The following UBTD1 variants were observed in gnomAD, a reference collection of about 807,000 sequenced individuals.
UBTD1 encodes ubiquitin domain containing 1, also known as ubiquitin domain-containing protein 1.
UBTD1 carries 19 observed loss-of-function variants against 21.7 expected under a neutral mutation model. That is an observed-to-expected ratio of 0.87 (90% CI 0.61 to 1.28). The LOEUF is 1.28. UBTD1 is among the 50% of genes most tolerant of loss of function. The pLI is 0.00. For synonymous variants in UBTD1, 116 were observed against 135.1 expected, an observed-to-expected ratio of 0.86 and a Z score of 0.98; for missense variants, 282 against 315.1, an observed-to-expected ratio of 0.89 and a Z score of 0.80.
At chr10:97,560,741 T>A (rs1345351089) in intron 1 of UBTD1, among the ~76,000 whole-genome samples, 1 of 152,160 alleles carries the variant, frequency 6.6e-6, no homozygotes, top group African/African-American at 2.4e-5. Flanking sequence ...CTTGAAATTT[T>A]TTTTTTAACA....
At chr10:97,520,622 C>T (rs931888860) in intron 1 of UBTD1, among the ~76,000 whole-genome samples, 5 of 152,132 alleles carry the variant, frequency 3.3e-5, no homozygotes, top group East Asian at 1.9e-4. Context: ...GAGACACCTA[C>T]GCTGACACCT....
intron 1 of UBTD1, among the ~76,000 whole-genome samples, chr10:97,520,442 T>TA (rs2040462192): frequency 6.6e-6 from 1 of 152,146 alleles, no homozygotes; most frequent in South Asian, 2.1e-4. Context: ...GCAAAATAGA[T>TA]ACGGTCCTTC....
intron 2 of UBTD1, among the ~76,000 whole-genome samples, chr10:97,568,831 C>T (rs1057040087): frequency 6.6e-6 from 1 of 151,252 alleles, no homozygotes; most frequent in African/African-American, 2.4e-5. Context: ...ACTTGAGTTT[C>T]TTTTTTTTTG....
At chr10:97,503,377 A>G (rs1307675134) in intron 1 of UBTD1, among the ~76,000 whole-genome samples, 1 of 152,168 alleles carries the variant, frequency 6.6e-6, no homozygotes, top group Non-Finnish European at 1.5e-5. Flanking sequence ...TAGGTAGATA[A>G]ATATCTCTGC....
At chr10:97,538,713 T>C (rs1488395243) in intron 1 of UBTD1, among the ~76,000 whole-genome samples, 1 of 152,228 alleles carries the variant, frequency 6.6e-6, no homozygotes, top group Non-Finnish European at 1.5e-5. Flanking sequence ...GAGAGTCTCT[T>C]CCTTCTGGAT....
At chr10:97,519,006 A>C (rs1031058727) in intron 1 of UBTD1, among the ~76,000 whole-genome samples, 3 of 152,356 alleles carry the variant, frequency 2.0e-5, no homozygotes, top group Non-Finnish European at 2.9e-5. Flanking sequence ...ATCAATGAGT[A>C]AGTAGCAGAA....
intron 1 of UBTD1, among the ~76,000 whole-genome samples, chr10:97,547,977 G>T (rs1438471637): frequency 6.6e-6 from 1 of 152,052 alleles, no homozygotes; most frequent in Non-Finnish European, 1.5e-5. Context: ...AATGACAATA[G>T]CTACTGTCTT....
At chr10:97,534,941 T>C (rs2040553070) in intron 1 of UBTD1, among the ~76,000 whole-genome samples, 1 of 152,220 alleles carries the variant, frequency 6.6e-6, no homozygotes, top group Non-Finnish European at 1.5e-5. Flanking sequence ...TAAAGCCCTC[T>C]GTTGAAAGCC....
rs1040317381 is a variant in UBTD1, at chr10:97,549,728, C to T, written c.71-18186C>T. Among the ~76,000 whole-genome samples, 5 of 152,244 alleles carry T rather than the reference C, an allele frequency of 3.3e-5. No homozygotes were observed. In the East Asian group the frequency reaches 5.8e-4, roughly 18 times the overall value. ...CCCTTTCCCTCCCTGAGCTGGGGCC[C>T]GAGAGGAGGAAAGGCCCACAGGCCT... On this transcript the variant is annotated intron_variant, in intron 1 of 2. Coordinates refer to ENST00000370664, the MANE Select transcript of UBTD1 (RefSeq NM_024954.5).
At chr10:97,561,848 C>T (rs1263534815) in intron 1 of UBTD1, among the ~76,000 whole-genome samples, 1 of 152,224 alleles carries the variant, frequency 6.6e-6, no homozygotes, top group African/African-American at 2.4e-5. Flanking sequence ...CCCCTCCCAC[C>T]TGCAAGAGGA....
chr10:97,531,439 C>T (rs575629154), intron 1 of UBTD1, among the ~76,000 whole-genome samples: 12 of 152,076 alleles, frequency 7.9e-5, no homozygotes, highest in Admixed American at 5.9e-4. Flanking sequence ...TATGTAGAGA[C>T]GAGGTTTCAC....
chr10:97,526,608 C>A (rs1379450811), intron 1 of UBTD1, among the ~76,000 whole-genome samples: 3 of 152,136 alleles, frequency 2.0e-5, no homozygotes, highest in Admixed American at 2.0e-4. Context: ...AGTGAACAAT[C>A]AAAAATGCCT....
intron 1 of UBTD1, among the ~76,000 whole-genome samples, chr10:97,543,795 G>A (rs1166721714): frequency 6.6e-6 from 1 of 152,200 alleles, no homozygotes; most frequent in African/African-American, 2.4e-5. Context: ...TGAAAATTAT[G>A]TAATTATGAA....
At chr10:97,558,052 G>A (rs985220224) in intron 1 of UBTD1, among the ~76,000 whole-genome samples, 76 of 152,240 alleles carry the variant, frequency 5.0e-4, no homozygotes, top group Non-Finnish European at 4.3e-4. Flanking sequence ...GGACCAGTCA[G>A]CTTCTGGGTG....
intron 1 of UBTD1, among the ~76,000 whole-genome samples, chr10:97,548,930 G>A (rs1376711607): frequency 5.3e-5 from 8 of 152,184 alleles, no homozygotes; most frequent in Admixed American, 6.5e-5. Context: ...CCCCGAGCCC[G>A]GCCAGATGTG....
intron 1 of UBTD1, among the ~76,000 whole-genome samples, chr10:97,555,854 T>G (rs2040661709): frequency 6.6e-6 from 1 of 152,230 alleles, no homozygotes; most frequent in Admixed American, 6.5e-5. Context: ...TGCCTGTCTT[T>G]GGTTTTACTT....
At chr10:97,524,285 G>C (rs567358437) in intron 1 of UBTD1, among the ~76,000 whole-genome samples, 45 of 139,662 alleles carry the variant, frequency 3.2e-4, no homozygotes, top group Admixed American at 1.7e-3. Context: ...TTGTAGGGAT[G>C]CGGGGGGGTC....
intron 1 of UBTD1, among the ~76,000 whole-genome samples, chr10:97,564,288 C>T (rs940653202): frequency 6.6e-6 from 1 of 152,118 alleles, no homozygotes; most frequent in Non-Finnish European, 1.5e-5. Context: ...CAAGAAAGTG[C>T]GTCCATATAA....
chr10:97,539,426 T>C (rs1198823774), intron 1 of UBTD1, among the ~76,000 whole-genome samples: 2 of 151,954 alleles, frequency 1.3e-5, no homozygotes, highest in Non-Finnish European at 2.9e-5. Flanking sequence ...AGAGACCCTG[T>C]CTCTACAAAA....
Sources: allele counts gnomAD v4.1 joint callset (sites outside exome capture counted in the v4.1 genomes callset), GRCh38; gene constraint gnomAD v4.1.1; transcripts MANE v1.5; gene names NCBI Gene and HGNC (gene_info 2026-07-23, HGNC 2026-07-21).